RIPK1: variants seen among roughly 807,000 people sequenced by gnomAD.
RIPK1 encodes the protein receptor interacting serine/threonine kinase 1, also known as receptor-interacting serine/threonine-protein kinase 1.
Under a neutral mutation model 62.4 loss-of-function variants are expected in RIPK1, and 27 were observed. The observed-to-expected ratio is 0.43, with a 90% CI of 0.32 to 0.60. The LOEUF (loss-of-function observed/expected upper bound fraction) is 0.60. RIPK1 is among the 20% of genes least tolerant of loss of function. The probability of loss-of-function intolerance (pLI) is 0.07; values close to 1 mark genes in which losing one functional copy is unlikely to be tolerated. For missense variants in RIPK1, 735 were observed against 831.0 expected (o/e 0.88, Z 1.42); for synonymous variants, 287 against 303.2 (o/e 0.95, Z 0.55).
intron 1 of RIPK1, among the ~76,000 whole-genome samples, chr6:3,069,347 T>G: frequency 6.6e-6 from 1 of 152,196 alleles, no homozygotes; most frequent in East Asian, 1.9e-4. Flanking sequence ...CTAGCAGGCT[T>G]CTGTCACTGG....
intron 7 of RIPK1, among the ~76,000 whole-genome samples, chr6:3,103,736 G>A (rs1206944180): frequency 1.3e-5 from 2 of 152,104 alleles, no homozygotes; most frequent in African/African-American, 4.8e-5. Context: ...TTTTCCCTGT[G>A]TTTTCTTCTA....
At chr6:3,080,891 C>T in intron 3 of RIPK1, 88 bp from the exon 4 acceptor site, 1 of 1,331,356 alleles carries the variant, frequency 7.5e-7, no homozygotes, top group Admixed American at 1.9e-5. Flanking sequence ...TCTCCTCAGG[C>T]TCAGATCCCA....
chr6:3,094,883 G>T (rs1232493207), intron 7 of RIPK1, among the ~76,000 whole-genome samples: 1 of 151,938 alleles, frequency 6.6e-6, no homozygotes, highest in Admixed American at 6.6e-5. Context: ...GCCACACAGT[G>T]AGACCCCATC....
chr6:3,067,441 A>T (rs542917975), upstream of RIPK1, among the ~76,000 whole-genome samples: 1 of 152,254 alleles, frequency 6.6e-6, no homozygotes, highest in South Asian at 2.1e-4. Context: ...CATTCTAATA[A>T]ATGTGTAATA....
Position 3,083,238 on chromosome 6 carries a change from C to T in RIPK1, c.613C>T (p.Pro205Ser). 6.2e-7 allele frequency: 1 copy of T among 1,613,974 alleles called. No homozygotes were observed. Among genetic ancestry groups the T allele is most frequent in the East Asian group, 2.2e-5 (1 of 44,884 alleles). Residue 205 changes from proline to serine, a missense_variant, in exon 5 of 11, where the codon CCC becomes TCC. Transcript: ENST00000259808. ...GCACCTGAATGACGTCAACGCAAAG[C>T]CCACAGAGAAGTCGGATGTGTACAG... ...PEHLNDVNAK[P>S]TEKSDVYSFA... is the part of the protein sequence containing the mutation.
intron 1 of RIPK1, among the ~76,000 whole-genome samples, chr6:3,071,385 G>C (rs540929306): frequency 6.6e-6 from 1 of 152,186 alleles, no homozygotes; most frequent in Non-Finnish European, 1.5e-5. Context: ...CAAATTCACT[G>C]TCCTGAGTCC....
chr6:3,083,388 A>G (rs1759521803), intron 5 of RIPK1, 75 bp downstream of exon 5: 5 of 1,306,792 alleles, frequency 3.8e-6, no homozygotes, highest in Admixed American at 4.3e-5. Context: ...ATAGGTGCCC[A>G]GTAAATTTTT....
Position 3,105,652 on chromosome 6 carries a change from A to G in RIPK1, c.1177A>G (p.Arg393Gly). 4 of 1,614,090 alleles carry G rather than the reference A, an allele frequency of 2.5e-6. No homozygotes were observed. Among genetic ancestry groups the G allele is most frequent in the African/African-American group, 1.3e-5 (1 of 75,068 alleles). ...NYHLYGSRMDRQTKQQPRQNV... is the reference protein window; with the variant it reads ...NYHLYGSRMDGQTKQQPRQNV... ...CCATCTTTATGGCAGCCGCATGGAC[A>G]GGCAGACGAAACAGCAGCCCAGACA... The change falls in exon 9 of 11, where the codon AGG (arginine) becomes GGG (glycine). Residue 393 changes from arginine to glycine, a missense_variant. Around this residue, in one of 2 missense-constraint regions of RIPK1, gnomAD observed 671 missense variants for 726.2 expected, o/e 0.92. Coordinates refer to ENST00000259808, the MANE Select transcript of RIPK1 (RefSeq NM_001354930.2). This position sits in a 1 kb window ranked among gnomAD's most constrained non-coding sequence, Gnocchi z 4.5.
chr6:3,072,322 T>C lies in RIPK1; in HGVS notation c.-61+3661T>C, dbSNP rs1758761369. Among the ~76,000 whole-genome samples, 1 of 152,194 alleles carries C rather than the reference T, an allele frequency of 6.6e-6. No homozygotes were observed. The highest frequency in any genetic ancestry group is 2.4e-5 in the African/African-American group (1 of 41,444). ...AGTAAAAATCAACCTATCATCAAGA[T>C]ACAATCCTTGTTAACATTTTGGTGT... On this transcript the variant is annotated intron_variant, in intron 1 of 10. Transcript: ENST00000259808. The surrounding 1 kb of genome is among the most constrained non-coding windows in gnomAD (Gnocchi z 5.6).
intron 7 of RIPK1, among the ~76,000 whole-genome samples, chr6:3,102,489 C>CATTTTGGG (rs1449123076): frequency 6.6e-6 from 1 of 152,182 alleles, no homozygotes; most frequent in Admixed American, 6.5e-5. Flanking sequence ...TAATCCCAAG[C>CATTTTGGG]ATTTTGGATA....
intron 6 of RIPK1, among the ~76,000 whole-genome samples, chr6:3,087,684 C>T (rs891323695): frequency 3.0e-4 from 46 of 152,000 alleles, no homozygotes; most frequent in African/African-American, 9.7e-4. Context: ...GGACTACAGA[C>T]ACCCGCCACC....
chr6:3,068,043 C>G, upstream of RIPK1: 4 of 260,852 alleles, frequency 1.5e-5, no homozygotes, highest in Non-Finnish European at 2.4e-5. Flanking sequence ...CGCGCCCGGC[C>G]TGATGTGCAT....
intron 8 of RIPK1, among the ~76,000 whole-genome samples, chr6:3,104,594 G>C (rs1049026294): frequency 6.6e-6 from 1 of 152,152 alleles, no homozygotes; most frequent in Admixed American, 6.5e-5. Context: ...GGACATATGT[G>C]AGAGCAAAGT....
Position 3,078,881 on chromosome 6 carries a change from G to A in RIPK1, c.321+946G>A, listed in dbSNP as rs116837343. On this transcript the variant is annotated intron_variant, in intron 3 of 10. Transcript: ENST00000259808. ...GTAGGAGAGTAAAAGGAGGCAGATA[G>A]CTAAATAAGTGGTATGGTGTGATGG... 7.3e-3 allele frequency among the ~76,000 whole-genome samples: 1,113 copies of A among 152,038 alleles called. 11 individuals are homozygous for A. Among genetic ancestry groups the A allele is most frequent in the African/African-American group, 0.026 (1,069 of 41,476 alleles).
chr6:3,100,760 T>A lies in RIPK1; in HGVS notation c.916-3465T>A, dbSNP rs377424905. 5.3e-5 allele frequency among the ~76,000 whole-genome samples: 8 copies of A among 151,950 alleles called. No individual in the cohort carries two copies. In the East Asian group the frequency reaches 1.2e-3, roughly 22 times the overall value. ...CGTGTACCACCACACCCAGCTAATT[T>A]TTTTGTACTTTTAGTAGAGATGGGG... On this transcript the variant is annotated intron_variant, in intron 7 of 10. Transcript: ENST00000259808.
chr6:3,076,052 C>A (rs1039724612), intron 1 of RIPK1, among the ~76,000 whole-genome samples: 1 of 152,166 alleles, frequency 6.6e-6, no homozygotes. Context: ...GAGGTTGGCA[C>A]TCCCCTGTGT....
intron 1 of RIPK1, among the ~76,000 whole-genome samples, chr6:3,074,085 T>C (rs896791006): frequency 3.3e-5 from 5 of 152,250 alleles, no homozygotes; most frequent in African/African-American, 9.6e-5. Context: ...CCTGCTGTTG[T>C]TGGGAGTACA....
intron 9 of RIPK1, among the ~76,000 whole-genome samples, chr6:3,106,488 C>T (rs1275790018): frequency 1.3e-5 from 2 of 152,194 alleles, no homozygotes; most frequent in Non-Finnish European, 2.9e-5. Flanking sequence ...TTTCTTTTAA[C>T]TCCCATATCT....
At chr6:3,094,384 A>T (rs1039589551) in intron 7 of RIPK1, among the ~76,000 whole-genome samples, 2 of 152,218 alleles carry the variant, frequency 1.3e-5, no homozygotes, top group East Asian at 1.9e-4. Context: ...ATTAATTTTA[A>T]AAAGGTAATT....
Sources: allele counts gnomAD v4.1 joint callset (sites outside exome capture counted in the v4.1 genomes callset), GRCh38; gene constraint gnomAD v4.1.1; regional missense constraint gnomAD v4.1.1; non-coding constraint Gnocchi (gnomAD v3.1); transcripts MANE v1.5; gene names NCBI Gene and HGNC (gene_info 2026-07-23, HGNC 2026-07-21).